VEGFC: variants seen among roughly 807,000 people sequenced by gnomAD.
The protein encoded by VEGFC is vascular endothelial growth factor C.
A neutral mutation model predicts 46.1 loss-of-function variants in VEGFC; 12 were observed. That is an observed-to-expected ratio of 0.26 (90% CI 0.17 to 0.42). VEGFC has a LOEUF of 0.42. Ranked by LOEUF, VEGFC falls within the 10% of genes least tolerant of loss-of-function variation. The probability of loss-of-function intolerance (pLI) is 1.00; values close to 1 mark genes in which losing one functional copy is unlikely to be tolerated. For missense variants in VEGFC, 488 were observed against 529.4 expected (o/e 0.92, Z 0.77); for synonymous variants, 232 against 195.5 (o/e 1.19, Z -1.56).
intron 4 of VEGFC, among the ~76,000 whole-genome samples, chr4:176,700,424 A>T (rs1382540086): frequency 6.6e-6 from 1 of 152,130 alleles, no homozygotes; most frequent in Admixed American, 6.5e-5. Context: ...AAAAAAAAAA[A>T]AGGGTGTTTA....
intron 1 of VEGFC, among the ~76,000 whole-genome samples, chr4:176,781,040 GA>G (rs34839708): frequency 3.8e-4 from 57 of 151,730 alleles, no homozygotes; most frequent in African/African-American, 1.3e-3. Context: ...AATATTAAAG[GA>G]AAAAAAATAT....
chr4:176,776,272 C>T (rs1419486773), intron 1 of VEGFC, among the ~76,000 whole-genome samples: 1 of 152,078 alleles, frequency 6.6e-6, no homozygotes, highest in East Asian at 1.9e-4. Flanking sequence ...AAAGCAGTGC[C>T]TTAGCAAAAA....
intron 4 of VEGFC, among the ~76,000 whole-genome samples, chr4:176,709,884 A>G (rs896787816): frequency 1.3e-5 from 2 of 152,204 alleles, no homozygotes; most frequent in African/African-American, 4.8e-5. Flanking sequence ...GATCAGAGAC[A>G]TGCATAATGA....
At chr4:176,692,949 A>G (rs1297784344) in intron 4 of VEGFC, among the ~76,000 whole-genome samples, 3 of 148,936 alleles carry the variant, frequency 2.0e-5, no homozygotes, top group Admixed American at 2.0e-4. Context: ...ACAAACAGAA[A>G]GGACATCCAC....
At chr4:176,686,620 C>T (rs1485763) in intron 6 of VEGFC, among the ~76,000 whole-genome samples, 151,803 of 152,356 alleles carry the variant, frequency 1, 75,628 homozygotes, top group Non-Finnish European at 1. Context: ...GGGATTAACA[C>T]TGAATGTGCT....
At chr4:176,770,104 G>A (rs1735697870) in intron 1 of VEGFC, among the ~76,000 whole-genome samples, 1 of 152,144 alleles carries the variant, frequency 6.6e-6, no homozygotes, top group Non-Finnish European at 1.5e-5. Flanking sequence ...GATCTTAATA[G>A]TAGTTCTGCA....
chr4:176,702,063 G>T (rs1734443479), intron 4 of VEGFC, among the ~76,000 whole-genome samples: 2 of 152,084 alleles, frequency 1.3e-5, no homozygotes, highest in Admixed American at 1.3e-4. Flanking sequence ...TTGGACTGAG[G>T]ATCTGTTAAA....
At chr4:176,730,261 A>G (rs1734941553) in intron 1 of VEGFC, among the ~76,000 whole-genome samples, 1 of 152,162 alleles carries the variant, frequency 6.6e-6, no homozygotes, top group Non-Finnish European at 1.5e-5. Context: ...TTGTCACAGT[A>G]AGATTTATAT....
At chr4:176,739,992 C>T (rs1199177696) in intron 1 of VEGFC, among the ~76,000 whole-genome samples, 2 of 11,774 alleles carry the variant, frequency 1.7e-4, no homozygotes, top group Non-Finnish European at 7.7e-4. Flanking sequence ...ACTATATATT[C>T]GATATATCGA....
chr4:176,771,871 T>C (rs1735729028), intron 1 of VEGFC, among the ~76,000 whole-genome samples: 1 of 152,186 alleles, frequency 6.6e-6, no homozygotes, highest in Non-Finnish European at 1.5e-5. Context: ...GTTGGAATTA[T>C]GGTATTCTGT....
intron 1 of VEGFC, among the ~76,000 whole-genome samples, chr4:176,750,596 C>T (rs2110893950): frequency 6.6e-6 from 1 of 151,574 alleles, no homozygotes; most frequent in South Asian, 2.1e-4. Flanking sequence ...ACTTGCATAC[C>T]TAAACCCTTC....
chr4:176,733,450 G>C (rs1184125019), intron 1 of VEGFC, among the ~76,000 whole-genome samples: 1 of 151,890 alleles, frequency 6.6e-6, no homozygotes, highest in Non-Finnish European at 1.5e-5. Context: ...ACTGATATCT[G>C]CCACAATAGG....
intron 2 of VEGFC, among the ~76,000 whole-genome samples, chr4:176,728,213 A>T (rs73872164): frequency 0.015 from 2,223 of 152,296 alleles, 38 homozygotes; most frequent in African/African-American, 0.04. Flanking sequence ...AATTAGCATT[A>T]TGCTTTATTA....
rs1037910077 is a variant in VEGFC, at chr4:176,736,865, T to C, written c.148-7119A>G. Among the ~76,000 whole-genome samples the C allele has an allele frequency of 8.6e-5, 13 of 151,612 alleles. No homozygotes were observed. The East Asian group carries it at 1.6e-3, about 18-fold the overall frequency. On this transcript the variant is annotated intron_variant, in intron 1 of 6. Coordinates refer to ENST00000618562, the MANE Select transcript of VEGFC (RefSeq NM_005429.5). Reference sequence around the variant, plus strand: ...CAATTCTTGGCTAAACACATAGCAATAGAAAAAACTATAGACTAAATATTT... The same window carrying C: ...CAATTCTTGGCTAAACACATAGCAACAGAAAAAACTATAGACTAAATATTT...
intron 1 of VEGFC, among the ~76,000 whole-genome samples, chr4:176,787,449 C>A (rs1420058896): frequency 1.4e-3 from 155 of 109,100 alleles, no homozygotes; most frequent in African/African-American, 4.8e-3. Flanking sequence ...AGAGCATGAC[C>A]CTGTCTCAAA....
At chr4:176,716,485 G>A (rs1329413232) in intron 3 of VEGFC, among the ~76,000 whole-genome samples, 1 of 148,488 alleles carries the variant, frequency 6.7e-6, no homozygotes, top group Non-Finnish European at 1.5e-5. Flanking sequence ...GCTGAGGCAG[G>A]AGAGTTTCTT....
intron 1 of VEGFC, among the ~76,000 whole-genome samples, chr4:176,789,289 G>A (rs1010923147): frequency 6.6e-6 from 1 of 152,204 alleles, no homozygotes; most frequent in Non-Finnish European, 1.5e-5. Context: ...CAGGATTAGA[G>A]ATCTACGGGT....
chr4:176,725,577 A>G (rs1468412218), intron 3 of VEGFC, among the ~76,000 whole-genome samples: 1 of 152,228 alleles, frequency 6.6e-6, no homozygotes, highest in Non-Finnish European at 1.5e-5. Flanking sequence ...TTATCTTATT[A>G]GTTGGAAACA....
intron 1 of VEGFC, among the ~76,000 whole-genome samples, chr4:176,783,213 G>GCA (rs1467066770): frequency 1.3e-5 from 2 of 152,210 alleles, no homozygotes; most frequent in African/African-American, 4.8e-5. Context: ...ATCTCAGACA[G>GCA]CACACGCTGT....
Sources: allele counts gnomAD v4.1 joint callset (sites outside exome capture counted in the v4.1 genomes callset), GRCh38; gene constraint gnomAD v4.1.1; transcripts MANE v1.5; gene names NCBI Gene and HGNC (gene_info 2026-07-23, HGNC 2026-07-21).